Variants in PDE12 observed in about 807,000 individuals in gnomAD.
PDE12 encodes the protein phosphodiesterase 12, also known as 2',5'-phosphodiesterase 12.
A neutral mutation model predicts 45.4 loss-of-function variants in PDE12; 26 were observed. The ratio of observed to expected loss-of-function variants is 0.57; its 90% CI spans 0.42 to 0.79. The LOEUF (loss-of-function observed/expected upper bound fraction) is 0.79. PDE12 is among the 30% of genes least tolerant of loss of function. The pLI is 0.00. For synonymous variants in PDE12, 283 were observed against 323.9 expected (o/e 0.87, Z 1.36); for missense variants, 668 against 790.0 (o/e 0.85, Z 1.85).
At chr3:57,630,770 TC>T in the PDE12 span, 1 of 1,613,968 alleles carries the variant, frequency 6.2e-7, no homozygotes, top group Non-Finnish European at 8.5e-7. Context: ...GGTCCTGTTT[TC>T]TCAAGTGTTT....
chr3:57,561,659 C>CCCA lies in PDE12; in HGVS notation c.*1657_*1659dup. On this transcript the variant is annotated 3_prime_UTR_variant, in exon 3 of 3. Transcript: ENST00000311180. ...TAATTAATAGCTCGAGTATTAAAAG[C>CCCA]CCACTCCCTTCAAGAAAAGCTTTGA... 1.0e-6 allele frequency: 1 copy of CCCA among 984,858 alleles called. No homozygotes were observed. The highest frequency in any genetic ancestry group is 4.7e-5 in the South Asian group (1 of 21,280). The allele number at this position is 984,858 out of a possible 1,614,324, so 61.0% of individuals were successfully genotyped here.
chr3:57,613,557 G>T, the PDE12 span, among the ~76,000 whole-genome samples: 1 of 151,716 alleles, frequency 6.6e-6, no homozygotes, highest in Non-Finnish European at 1.5e-5. Flanking sequence ...CTCCCAAAGT[G>T]CTGGGATTAC....
the PDE12 span, among the ~76,000 whole-genome samples, chr3:57,590,071 C>T: frequency 8.0e-5 from 12 of 149,486 alleles, no homozygotes; most frequent in Admixed American, 8.1e-4. Flanking sequence ...GCCTGGGCAA[C>T]AGACCAAGAC....
chr3:57,605,280 G>A, the PDE12 span, among the ~76,000 whole-genome samples: 2 of 152,134 alleles, frequency 1.3e-5, no homozygotes, highest in Non-Finnish European at 2.9e-5. Context: ...CAGAAAGAGA[G>A]AGAGCTGCAG....
chr3:57,616,379 G>T, the PDE12 span, among the ~76,000 whole-genome samples: 1 of 146,652 alleles, frequency 6.8e-6, no homozygotes, highest in East Asian at 2.0e-4. Flanking sequence ...GAGGCAGGGG[G>T]GAGGAGGAGA....
the PDE12 span, chr3:57,577,508 A>T: frequency 4.0e-6 from 3 of 745,690 alleles, no homozygotes; most frequent in East Asian, 5.1e-5. Context: ...CTTTAAAAGT[A>T]AGAACTTAAG....
the PDE12 span, among the ~76,000 whole-genome samples, chr3:57,618,606 T>TG: frequency 1.9e-5 from 2 of 104,066 alleles, no homozygotes; most frequent in Non-Finnish European, 3.9e-5. Flanking sequence ...TTTGCTTTTG[T>TG]GTTTTTTTTT....
At chr3:57,604,601 C>CTTTTTTTTTTTTTTTT in the PDE12 span, among the ~76,000 whole-genome samples, 1 of 44,514 alleles carries the variant, frequency 2.2e-5, no homozygotes, top group African/African-American at 8.9e-5. Flanking sequence ...CTTTTTCTTT[C>CTTTTTTTTTTTTTTTT]TTTTTTTTTT....
At chr3:57,628,847 T>G in the PDE12 span, 3 of 1,613,062 alleles carry the variant, frequency 1.9e-6, no homozygotes, top group Non-Finnish European at 2.5e-6. Flanking sequence ...GGTCTACTGT[T>G]TCTACTTCTG....
Position 57,560,965 on chromosome 3 carries a change from A to G in PDE12, c.*961A>G. On this transcript the variant is annotated 3_prime_UTR_variant, in exon 3 of 3. Transcript: ENST00000311180. ...GCTTCTCATCTTTCATTTTTCAATG[A>G]ACAAGTAAGGTATTTTCATTCTTAT... The G allele has an allele frequency of 1.0e-6, 1 of 977,772 alleles. No individual in the cohort carries two copies. The highest frequency in any genetic ancestry group is 4.7e-5 in the South Asian group (1 of 21,118). 60.6% of individuals were successfully genotyped at this position (977,772 alleles called of 1,614,324 possible). A position where few individuals can be genotyped will look rare whatever the true frequency, so the allele number is the denominator to read the frequency against.
chr3:57,632,843 G>A, the PDE12 span, among the ~76,000 whole-genome samples: 4 of 152,136 alleles, frequency 2.6e-5, no homozygotes, highest in African/African-American at 4.8e-5. Context: ...TATAGTCCCT[G>A]TTATCATAGA....
At chr3:57,596,987 G>T in the PDE12 span, 1,004 of 1,419,266 alleles carry the variant, frequency 7.1e-4, 3 homozygotes, top group Non-Finnish European at 8.9e-4. Flanking sequence ...CACAGCGGGC[G>T]GAGGAAAAAA....
At chr3:57,624,865 TGAA>T in the PDE12 span, among the ~76,000 whole-genome samples, 3 of 152,020 alleles carry the variant, frequency 2.0e-5, no homozygotes, top group Non-Finnish European at 1.5e-5. Context: ...AGGTAGCAAA[TGAA>T]GGAGAATCTA....
chr3:57,583,789 T>A, the PDE12 span: 8 of 772,178 alleles, frequency 1.0e-5, no homozygotes, highest in Admixed American at 1.7e-4. Context: ...ATAAGACAAA[T>A]GCCAACTCAT....
chr3:57,557,887 T>C (rs2278755), intron 1 of PDE12, among the ~76,000 whole-genome samples, 200 bp downstream of exon 1: 125,703 of 152,192 alleles, frequency 0.83, 52,392 homozygotes, highest in African/African-American at 0.91. Flanking sequence ...GTGCCTGCCA[T>C]ACTGCAGGTT....
chr3:57,593,064 G>A, the PDE12 span, among the ~76,000 whole-genome samples: 7 of 151,950 alleles, frequency 4.6e-5, no homozygotes, highest in African/African-American at 1.7e-4. Context: ...AAAATTAGCC[G>A]GGCATAGTGG....
rs2153407876 is a variant in PDE12 at position 57,566,462 on chromosome 3, AAT to A, written c.*6461_*6462del. 6.6e-6 allele frequency: 1 copy of A among 152,298 alleles called. No homozygotes were observed. Among genetic ancestry groups the A allele is most frequent in the East Asian group, 1.9e-4 (1 of 5,190 alleles). 9.4% of individuals were successfully genotyped at this position (152,298 alleles called of 1,614,324 possible). On this transcript the variant is annotated 3_prime_UTR_variant, in exon 3 of 3. Coordinates refer to ENST00000311180, the MANE Select transcript of PDE12 (RefSeq NM_177966.7). ...AACATTTGTGATAAGTTTTTGAGTG[AAT>A]ATGTGTTTTTGTTTCTCTTGGGCAC...
downstream of PDE12, chr3:57,571,255 C>A (rs2069839708): frequency 6.6e-6 from 1 of 152,118 alleles, no homozygotes; most frequent in Non-Finnish European, 1.5e-5. Context: ...AGTAACCTAC[C>A]AGTGGGATCT....
the PDE12 span, among the ~76,000 whole-genome samples, chr3:57,613,972 T>C: frequency 1.4e-5 from 2 of 146,304 alleles, no homozygotes; most frequent in East Asian, 2.0e-4. Flanking sequence ...GGAAAAGATA[T>C]ACCCTGCTAA....
Sources: allele counts gnomAD v4.1 joint callset (sites outside exome capture counted in the v4.1 genomes callset), GRCh38; gene constraint gnomAD v4.1.1; transcripts MANE v1.5; gene names NCBI Gene and HGNC (gene_info 2026-07-23, HGNC 2026-07-21).